Variants in PRPS1 observed in about 807,000 individuals in gnomAD.
PRPS1 encodes the protein phosphoribosyl pyrophosphate synthetase 1.
Under a neutral mutation model 16.9 loss-of-function variants are expected in PRPS1, and 1 was observed. The observed-to-expected ratio is 0.06, with a 90% CI of 0.02 to 0.28. PRPS1 has a LOEUF of 0.28. Ranked by LOEUF, PRPS1 falls within the 10% of genes least tolerant of loss-of-function variation. The probability of loss-of-function intolerance (pLI) is 1.00; values close to 1 mark genes in which losing one functional copy is unlikely to be tolerated. For synonymous variants in PRPS1, 70 were observed against 90.2 expected (o/e 0.78, Z 1.27); for missense variants, 47 against 254.0 (o/e 0.19, Z 5.54).
Position 107,650,176 on chromosome X carries a change from G to A in PRPS1, c.*144G>A, listed in dbSNP as rs758809582. ...ACATCAGGTATATTAGAGCTTATCC[G>A]AACTGGGGAAAGACGGATTGAGATT... is the stretch of plus-strand genomic sequence containing the variant. On this transcript the variant is annotated 3_prime_UTR_variant, in exon 7 of 7. Transcript: ENST00000372435. The A allele has an allele frequency of 1.6e-5, 17 of 1,061,791 alleles. No homozygotes were observed. The highest frequency in any genetic ancestry group is 7.5e-5 in the African/African-American group (4 of 53,555). 87.5% of individuals were successfully genotyped at this position (1,061,791 alleles called of 1,213,427 possible). A position where few individuals can be genotyped will look rare whatever the true frequency, so the allele number is the denominator to read the frequency against.
At chrX:107,639,576 A>G in intron 2 of PRPS1, 98 bp downstream of exon 2, 1 of 906,661 alleles carries the variant, frequency 1.1e-6, no homozygotes, top group Non-Finnish European at 1.6e-6. Context: ...TTTAGGGGGA[A>G]TTTTAAAAAT....
chrX:107,644,578 C>A lies in PRPS1; in HGVS notation c.531-599C>A, dbSNP rs750408410. On this transcript the variant is annotated intron_variant, in intron 4 of 6. Transcript: ENST00000372435. ...GCGTGTCTTAGCGTTATACTGCTTC[C>A]CAGTACTGGTGAGGGTGTCTGTCCT... is the stretch of plus-strand genomic sequence containing the variant. Among the ~76,000 whole-genome samples the A allele has an allele frequency of 2.7e-5, 3 of 111,931 alleles. No individual in the cohort carries two copies. In the South Asian group the frequency reaches 1.1e-3, roughly 42 times the overall value.
intron 6 of PRPS1, among the ~76,000 whole-genome samples, chrX:107,649,616 T>C (rs1925785849): frequency 9.0e-6 from 1 of 110,759 alleles, no homozygotes; most frequent in Non-Finnish European, 1.9e-5. Flanking sequence ...CACACCATGC[T>C]TGGTTAATTT....
chrX:107,635,810 C>T (rs1475109204), intron 1 of PRPS1, among the ~76,000 whole-genome samples: 1 of 110,460 alleles, frequency 9.1e-6, no homozygotes, highest in African/African-American at 3.3e-5. Context: ...CCTGTAATCC[C>T]AGCACTTTGG....
At chrX:107,641,055 A>G (rs772859341) in intron 3 of PRPS1, 55 bp downstream of exon 3, 2 of 1,209,824 alleles carry the variant, frequency 1.7e-6, no homozygotes, top group Admixed American at 4.4e-5. Flanking sequence ...AGGACTGATG[A>G]TGCTGAAGAC....
intron 6 of PRPS1, among the ~76,000 whole-genome samples, chrX:107,649,484 T>C (rs1041025473): frequency 8.9e-6 from 1 of 111,828 alleles, no homozygotes; most frequent in African/African-American, 3.3e-5. Flanking sequence ...AGACAGAGTC[T>C]CGCTCTGTCA....
Position 107,647,680 on chromosome X carries a change from G to T in PRPS1, c.779G>T (p.Arg260Leu). Residue 260 changes from arginine (R) to leucine (L), a missense_variant, in exon 6 of 7, where the codon CGC (arginine) becomes CTC (leucine). By Grantham distance (102) the Arg-to-Leu change is moderately radical (BLOSUM62 -2). Coordinates refer to ENST00000372435, the MANE Select transcript of PRPS1 (RefSeq NM_002764.4). ...ATCTTCTCCGGTCCTGCTATTTCTCGCATCAACAACGCATGCTTTGAGGCA... is the reference window on the plus strand; with the variant it reads ...ATCTTCTCCGGTCCTGCTATTTCTCTCATCAACAACGCATGCTTTGAGGCA... The part of the protein sequence containing the change: ...HGIFSGPAIS[R>L]INNACFEAVV... The T allele has an allele frequency of 8.3e-7, 1 of 1,210,292 alleles. No individual in the cohort carries two copies. Among genetic ancestry groups the T allele is most frequent in the East Asian group, 3.0e-5 (1 of 33,820 alleles).
chrX:107,642,517 A>G (rs764641895), intron 4 of PRPS1, 27 bp downstream of exon 4: 5 of 1,210,028 alleles, frequency 4.1e-6, no homozygotes, highest in South Asian at 1.8e-5. Flanking sequence ...TATTGTTCCC[A>G]ATGTACTGGG....
chrX:107,631,678 T>G (rs2147676329), intron 1 of PRPS1, among the ~76,000 whole-genome samples: 1 of 111,658 alleles, frequency 9.0e-6, no homozygotes, highest in South Asian at 3.7e-4. Flanking sequence ...AATACAATAT[T>G]AATAATATTT....
chrX:107,639,554 A>T, intron 2 of PRPS1, 76 bp downstream of exon 2: 1 of 1,014,713 alleles, frequency 9.9e-7, no homozygotes, highest in Non-Finnish European at 1.4e-6. Flanking sequence ...TTCCAAAATT[A>T]TCAAATATAT....
Position 107,650,060 on chromosome X carries a change from A to G in PRPS1, c.*28A>G. ...GAGTAACTTCTGAGGCTTTTTGAGA[A>G]TAAAATCCACCCCACCCTTGTTTCC... On this transcript the variant is annotated 3_prime_UTR_variant, in exon 7 of 7. Coordinates refer to ENST00000372435, the MANE Select transcript of PRPS1 (RefSeq NM_002764.4). 8.3e-7 allele frequency: 1 copy of G among 1,211,423 alleles called. No homozygotes were observed. Among genetic ancestry groups the G allele is most frequent in the Non-Finnish European group, 1.1e-6 (1 of 895,310 alleles).
At chrX:107,638,667 T>A (rs1359489522) in intron 1 of PRPS1, among the ~76,000 whole-genome samples, 3 of 111,487 alleles carry the variant, frequency 2.7e-5, no homozygotes, top group Non-Finnish European at 5.7e-5. Context: ...ATGATCCTCC[T>A]TCTACCCTGC....
Position 107,650,208 on chromosome X carries a change from T to A in PRPS1, c.*176T>A. The A allele has an allele frequency of 1.2e-6, 1 of 862,058 alleles. No individual in the cohort carries two copies. The highest frequency in any genetic ancestry group is 1.6e-6 in the Non-Finnish European group (1 of 623,607). The allele number at this position is 862,058 out of a possible 1,213,427, so 71.0% of individuals were successfully genotyped here. ...GGAAAGACGGATTGAGATTAACTGC[T>A]GGGACCTCCTACCTGCATTATCTCA... On this transcript the variant is annotated 3_prime_UTR_variant, in exon 7 of 7. Transcript: ENST00000372435.
At position 107,639,276 on chromosome X, in the gene PRPS1, C is replaced by CT. The variant is rs750392051; in HGVS notation, c.123-16dup. 7.8e-5 allele frequency: 94 copies of CT among 1,204,797 alleles called. No individual in the cohort carries two copies. Among genetic ancestry groups the CT allele is most frequent in the Admixed American group, 1.3e-4 (6 of 45,654 alleles). On this transcript the variant is annotated intron_variant, in intron 1 of 6. Coordinates refer to ENST00000372435, the MANE Select transcript of PRPS1 (RefSeq NM_002764.4). The stretch of plus-strand genomic sequence containing the variant: ...AGTGGTTTAAAATCTATTTCATGTT[C>CT]TTTCTTTCCTCATTGTAGTGTGGAA...
At chrX:107,647,528 A>G in intron 5 of PRPS1, 78 bp from the exon 6 acceptor site, 1 of 1,009,539 alleles carries the variant, frequency 9.9e-7, no homozygotes, top group Non-Finnish European at 1.4e-6. Flanking sequence ...AAGCCTAAGC[A>G]GGCTAATATA....
Position 107,640,896 on chromosome X carries a change from AT to A in PRPS1, c.307-3del, listed in dbSNP as rs771206190. 1 of 1,210,862 alleles carries A rather than the reference AT, an allele frequency of 8.3e-7. No homozygotes were observed. The highest frequency in any genetic ancestry group is 1.1e-6 in the Non-Finnish European group (1 of 894,931). ...GTTTTTCTTTTCTTTCCTCCCCTCC[AT>A]TTAGAGCCGGGCGCCAATCTCAGCC... On this transcript the variant is annotated splice_polypyrimidine_tract_variant and splice_region_variant and intron_variant, in intron 2 of 6. Coordinates refer to ENST00000372435, the MANE Select transcript of PRPS1 (RefSeq NM_002764.4).
Position 107,650,895 on chromosome X carries a change from T to G in PRPS1, c.*863T>G. 1 of 277,568 alleles carries G rather than the reference T, an allele frequency of 3.6e-6. No homozygotes were observed. Among genetic ancestry groups the G allele is most frequent in the Non-Finnish European group, 6.3e-6 (1 of 157,935 alleles). 22.9% of individuals were successfully genotyped at this position (277,568 alleles called of 1,213,427 possible). On this transcript the variant is annotated 3_prime_UTR_variant, in exon 7 of 7. Transcript: ENST00000372435. ...TGGTATCGTAGTGCCTTTTGATTAATTTAAGTATTTAATTTTCATCTTCCT... is the reference window on the plus strand; with the variant it reads ...TGGTATCGTAGTGCCTTTTGATTAAGTTAAGTATTTAATTTTCATCTTCCT...
At chrX:107,628,785 C>G in intron 1 of PRPS1, 35 bp downstream of exon 1, 1 of 1,210,642 alleles carries the variant, frequency 8.3e-7, no homozygotes, top group Non-Finnish European at 1.1e-6. Flanking sequence ...CTAGACCTCA[C>G]CTGCCCAGGC....
chrX:107,647,232 G>A (rs1925715535), intron 5 of PRPS1, among the ~76,000 whole-genome samples: 1 of 112,414 alleles, frequency 8.9e-6, no homozygotes. Context: ...TTCCCCATGC[G>A]CACGCATGCG....
Sources: allele counts gnomAD v4.1 joint callset (sites outside exome capture counted in the v4.1 genomes callset), GRCh38; gene constraint gnomAD v4.1.1; transcripts MANE v1.5; gene names NCBI Gene and HGNC (gene_info 2026-07-23, HGNC 2026-07-21).